The following SERPINE2 variants were observed in gnomAD, a reference collection of about 807,000 sequenced individuals.
SERPINE2 encodes the protein glia-derived nexin.
A neutral mutation model predicts 36.3 loss-of-function variants in SERPINE2; 14 were observed. The ratio of observed to expected loss-of-function variants is 0.39; its 90% CI spans 0.25 to 0.60. The LOEUF (loss-of-function observed/expected upper bound fraction) is 0.60, where lower values mean the gene tolerates loss of function less well. Ranked by LOEUF, SERPINE2 falls within the 20% of genes least tolerant of loss-of-function variation. The probability of loss-of-function intolerance (pLI) is 0.57; values close to 1 mark genes in which losing one functional copy is unlikely to be tolerated. For missense variants in SERPINE2, 418 were observed against 499.6 expected, an observed-to-expected ratio of 0.84 and a Z score of 1.56; for synonymous variants, 192 against 191.8, an observed-to-expected ratio of 1.00 and a Z score of -0.01.
chr2:224,002,660 T>TTTC (rs1172546334), intron 1 of SERPINE2, among the ~76,000 whole-genome samples: 1 of 145,410 alleles, frequency 6.9e-6, no homozygotes, highest in East Asian at 2.0e-4. Flanking sequence ...GTCTGGCAAT[T>TTTC]TTTTTTTTTT....
chr2:223,983,693 TGCACACACACAC>T (rs1244119363), intron 5 of SERPINE2, among the ~76,000 whole-genome samples: 1 of 146,596 alleles, frequency 6.8e-6, no homozygotes, highest in Non-Finnish European at 1.5e-5. Context: ...TGGAGATATA[TGCACACACACAC>T]ACACACACAC....
chr2:223,983,485 C>T (rs6758638), intron 5 of SERPINE2, among the ~76,000 whole-genome samples: 34,596 of 151,940 alleles, frequency 0.23, 4,396 homozygotes, highest in Non-Finnish European at 0.3. Flanking sequence ...GAACTCCTGA[C>T]CTCGTGATCC....
intron 3 of SERPINE2, among the ~76,000 whole-genome samples, chr2:223,994,051 C>T (rs185880276): frequency 2.0e-5 from 3 of 152,318 alleles, no homozygotes; most frequent in East Asian, 1.9e-4. Context: ...AGACATAGCT[C>T]AATGGTCCCC....
chr2:223,986,942 C>T (rs1027689672), intron 4 of SERPINE2, among the ~76,000 whole-genome samples: 8 of 152,196 alleles, frequency 5.3e-5, no homozygotes, highest in Admixed American at 3.3e-4. Flanking sequence ...TTATTTGGTG[C>T]CTTGAGGAGC....
chr2:224,014,553 G>A (rs1389859401), intron 1 of SERPINE2, among the ~76,000 whole-genome samples: 2 of 152,182 alleles, frequency 1.3e-5, no homozygotes, highest in Non-Finnish European at 2.9e-5. Context: ...TGGGGCGAGA[G>A]TGGGAATGTG....
chr2:224,001,999 T>C lies in SERPINE2; in HGVS notation c.-22-77A>G, dbSNP rs1367654613. On this transcript the variant is annotated intron_variant, in intron 1 of 8. Transcript: ENST00000409304. ...CTACTTTTTTTTTTTTTCCCCCAGA[T>C]AGAGACTCGTTCTTTCACCCAGGCT... is the stretch of plus-strand genomic sequence containing the variant. 1,005 of 985,942 alleles carry C rather than the reference T, an allele frequency of 1.0e-3. 5 individuals carry two copies. In the African/African-American group the frequency reaches 0.023, roughly 22 times the overall value. The allele number at this position is 985,942 out of a possible 1,614,324, so 61.1% of individuals were successfully genotyped here.
intron 1 of SERPINE2, among the ~76,000 whole-genome samples, chr2:224,016,124 C>A (rs1475847458): frequency 6.6e-6 from 1 of 152,198 alleles, no homozygotes; most frequent in Non-Finnish European, 1.5e-5. Context: ...AGTGACAACA[C>A]CAATTGCTGG....
Position 223,977,618 on chromosome 2 carries a change from A to T in SERPINE2, c.1082T>A (p.Leu361His). The change falls in exon 8 of 9, where the codon CTC (leucine) becomes CAC (histidine). Residue 361 changes from leucine (L) to histidine (H), a missense_variant. Leu to His is a moderately conservative substitution (Grantham distance 99, BLOSUM62 -3). Coordinates refer to ENST00000409304, the MANE Select transcript of SERPINE2 (RefSeq NM_001136528.2). ...TKASAATTAI[L>H]IARSSPPWFI... ...CCAGGGAGGCGATGATCTTGCAATG[A>T]GAATTGCAGCTACGGGAAGAAAAGG... 6.2e-7 allele frequency: 1 copy of T among 1,610,160 alleles called. No homozygotes were observed. Among genetic ancestry groups the T allele is most frequent in the East Asian group, 2.2e-5 (1 of 44,850 alleles).
chr2:224,009,685 ACT>A (rs1691556997), intron 1 of SERPINE2, among the ~76,000 whole-genome samples: 3 of 145,236 alleles, frequency 2.1e-5, no homozygotes, highest in East Asian at 2.0e-4. Context: ...ACAGAGTGAG[ACT>A]CTGTCTCAAA....
intron 1 of SERPINE2, among the ~76,000 whole-genome samples, chr2:224,029,581 T>C (rs1023554975): frequency 1.3e-5 from 2 of 152,212 alleles, no homozygotes; most frequent in Admixed American, 6.5e-5. Flanking sequence ...CTGGACACAG[T>C]AGAATGATTT....
intron 1 of SERPINE2, among the ~76,000 whole-genome samples, chr2:224,018,457 T>C (rs1427161864): frequency 6.6e-6 from 1 of 152,100 alleles, no homozygotes. Flanking sequence ...TGCTTGATCA[T>C]TGCTCAAAGA....
At chr2:224,003,140 A>T (rs1032014908) in intron 1 of SERPINE2, among the ~76,000 whole-genome samples, 1 of 152,030 alleles carries the variant, frequency 6.6e-6, no homozygotes, top group Non-Finnish European at 1.5e-5. Context: ...AGCCAGCCAC[A>T]CTCTGATGGG....
chr2:224,011,155 CTT>C (rs1691612407), intron 1 of SERPINE2, among the ~76,000 whole-genome samples: 1 of 152,158 alleles, frequency 6.6e-6, no homozygotes, highest in Non-Finnish European at 1.5e-5. Context: ...GTCCTATAGA[CTT>C]TTCTTTTTGA....
intron 1 of SERPINE2, among the ~76,000 whole-genome samples, chr2:224,033,464 A>G (rs1344430829): frequency 6.6e-6 from 1 of 152,176 alleles, no homozygotes; most frequent in East Asian, 1.9e-4. Flanking sequence ...ATCAAAAGGA[A>G]ACTGAGCCAA....
At chr2:223,985,018 G>C in intron 4 of SERPINE2, 68 bp from the exon 5 acceptor site, 1 of 1,414,446 alleles carries the variant, frequency 7.1e-7, no homozygotes. Context: ...GTGCTTGCTG[G>C]TCACCGGGAT....
chr2:224,000,434 T>TC, intron 2 of SERPINE2, among the ~76,000 whole-genome samples: 1 of 152,194 alleles, frequency 6.6e-6, no homozygotes, highest in African/African-American at 2.4e-5. Flanking sequence ...AAGAAAGGTT[T>TC]TTCTTTAACT....
chr2:223,983,089 C>T (rs7605945), intron 5 of SERPINE2, among the ~76,000 whole-genome samples: 95,971 of 152,080 alleles, frequency 0.63, 32,948 homozygotes, highest in Non-Finnish European at 0.79. Flanking sequence ...TTTATACTGA[C>T]GTGGAGGTTG....
chr2:223,987,275 A>G (rs1214703984), intron 4 of SERPINE2, among the ~76,000 whole-genome samples: 1 of 152,198 alleles, frequency 6.6e-6, no homozygotes, highest in Non-Finnish European at 1.5e-5. Flanking sequence ...TTTGTAAAAT[A>G]CCTCACTTCT....
At chr2:223,991,662 C>G (rs1690677058) in intron 4 of SERPINE2, 141 bp downstream of exon 4, 1 of 809,860 alleles carries the variant, frequency 1.2e-6, no homozygotes, top group African/African-American at 1.7e-5. Context: ...TTATAAAAAT[C>G]CTGCCTCTCA....
Sources: gnomAD v4.1 joint callset for allele counts (sites outside exome capture counted in the v4.1 genomes callset) on GRCh38, gnomAD v4.1.1 for gene constraint, MANE v1.5 for transcripts, NCBI Gene and HGNC (gene_info 2026-07-23, HGNC 2026-07-21) for gene names.